SLC5A3: variants seen among roughly 807,000 people sequenced by gnomAD.
The protein encoded by SLC5A3 is sodium/myo-inositol cotransporter.
A neutral mutation model predicts 43.2 loss-of-function variants in SLC5A3; 10 were observed. That is an observed-to-expected ratio of 0.23 (90% confidence interval 0.14 to 0.39). The LOEUF is 0.39. SLC5A3 is among the 10% of genes least tolerant of loss of function. SLC5A3 has a pLI of 1.00. For missense variants in SLC5A3, 608 were observed against 893.4 expected (o/e 0.68, Z 4.07); for synonymous variants, 349 against 322.0 (o/e 1.08, Z -0.90).
rs1556001318 is a variant in SLC5A3, at chr21:34,073,602, G to A, written c.-480G>A. On this transcript the variant is annotated 5_prime_UTR_variant, in exon 1 of 2. Transcript: ENST00000381151. ...TGCTTTCGCCGCCTGGGAGCCGTCC[G>A]GCGCAGCAGTTTCTAGGTCCCCACT... is the stretch of plus-strand genomic sequence containing the variant. The A allele has an allele frequency of 3.7e-6, 4 of 1,072,658 alleles. No homozygotes were observed. The highest frequency in any genetic ancestry group is 2.8e-5 in the South Asian group (2 of 71,468). 66.4% of individuals were successfully genotyped at this position (1,072,658 alleles called of 1,614,324 possible).
At chr21:34,073,773 T>G in intron 1 of SLC5A3, 28 bp downstream of exon 1, 4 of 1,458,946 alleles carry the variant, frequency 2.7e-6, no homozygotes, top group South Asian at 1.2e-5. Context: ...AGAGCCGGTC[T>G]TCCCGCGCGG....
At chr21:34,094,443 C>G (rs1423313972) in intron 1 of SLC5A3, among the ~76,000 whole-genome samples, 3 of 152,164 alleles carry the variant, frequency 2.0e-5, no homozygotes, top group Admixed American at 1.3e-4. Flanking sequence ...CCCAAACTCT[C>G]TTAGGATTCA....
chr21:34,096,413 G>C lies in SLC5A3; in HGVS notation c.1215G>C (p.Arg405=). 4 of 1,614,200 alleles carry C rather than the reference G, an allele frequency of 2.5e-6. No homozygotes were observed. The highest frequency in any genetic ancestry group is 3.4e-6 in the Non-Finnish European group (4 of 1,180,030). The change falls in exon 2 of 2, where the codon CGG becomes CGC. Residue 405 remains arginine (R), a synonymous_variant. Transcript: ENST00000381151. The surrounding 1 kb of genome is among the most constrained non-coding windows in gnomAD (Gnocchi z 5.9). ...YKLIRKSASS[R]ELMIVGRIFV... ...TTATCCGCAAGAGCGCAAGCTCCCG[G>C]GAGTTAATGATTGTGGGGAGGATAT... is the stretch of plus-strand genomic sequence containing the variant.
chr21:34,106,016 A>G lies in SLC5A3; in HGVS notation c.*8661A>G, dbSNP rs1979461724. On this transcript the variant is annotated 3_prime_UTR_variant, in exon 2 of 2. Transcript: ENST00000381151. ...TTATTGTTTAAAAAATGAAAAAAGC[A>G]TATCTGCTAAAGAGCTGTCAGTTTT... 9.1e-6 allele frequency: 9 copies of G among 994,396 alleles called. No individual in the cohort carries two copies. Among genetic ancestry groups the G allele is most frequent in the South Asian group, 9.4e-5 (2 of 21,182 alleles). The allele number at this position is 994,396 out of a possible 1,614,324, so 61.6% of individuals were successfully genotyped here.
intron 1 of SLC5A3, among the ~76,000 whole-genome samples, chr21:34,092,723 A>G (rs183799436): frequency 6.6e-6 from 1 of 152,242 alleles, no homozygotes; most frequent in African/African-American, 2.4e-5. Context: ...CTCTGAACAA[A>G]TAAGCTGCAG....
At position 34,102,105 on chromosome 21, in the gene SLC5A3, T is replaced by C. The variant is rs977243250; in HGVS notation, c.*4750T>C. 6.3e-5 allele frequency: 63 copies of C among 1,000,042 alleles called. No individual in the cohort carries two copies. The highest frequency in any genetic ancestry group is 7.5e-5 in the Non-Finnish European group (62 of 829,898). 61.9% of individuals were successfully genotyped at this position (1,000,042 alleles called of 1,614,324 possible). On this transcript the variant is annotated 3_prime_UTR_variant, in exon 2 of 2. Transcript: ENST00000381151. ...GTTAACTTAGGGCTGCAAATCTTTT[T>C]CTTCTGTCAAGGTCACTTAATATGG...
chr21:34,103,838 TGGGGGTTAC>T lies in SLC5A3; in HGVS notation c.*6484_*6492del. 1.0e-6 allele frequency: 1 copy of T among 1,000,010 alleles called. No individual in the cohort carries two copies. 61.9% of individuals were successfully genotyped at this position (1,000,010 alleles called of 1,614,324 possible). A position where few individuals can be genotyped will look rare whatever the true frequency, so the allele number is the denominator to read the frequency against. The stretch of plus-strand genomic sequence containing the variant: ...ATGTCAAGAATGCCAAAATTATATT[TGGGGGTTAC>T]TAGCTAAAATGGGGTTTGAGGGCTT... On this transcript the variant is annotated 3_prime_UTR_variant, in exon 2 of 2. Coordinates refer to ENST00000381151, the MANE Select transcript of SLC5A3 (RefSeq NM_006933.7).
intron 1 of SLC5A3, among the ~76,000 whole-genome samples, chr21:34,084,524 C>T (rs1989528952): frequency 6.6e-6 from 1 of 152,038 alleles, no homozygotes; most frequent in Admixed American, 6.6e-5. Context: ...AGTAGGGGTG[C>T]AGGGGTTATG....
At chr21:34,086,554 C>A (rs929125019) in intron 1 of SLC5A3, among the ~76,000 whole-genome samples, 24 of 148,798 alleles carry the variant, frequency 1.6e-4, no homozygotes, top group Non-Finnish European at 1.3e-4. Context: ...TGTGTATCTT[C>A]CTGAAAGGTG....
Position 34,097,117 on chromosome 21 carries a change from G to A in SLC5A3, c.1919G>A (p.Gly640Asp), listed in dbSNP as rs752644017. 1.9e-5 allele frequency: 31 copies of A among 1,613,900 alleles called. No individual in the cohort carries two copies. Among genetic ancestry groups the A allele is most frequent in the Non-Finnish European group, 2.5e-5 (29 of 1,179,978 alleles). Reference sequence around the variant, plus strand: ...TCCAATGGGCAAGCAGCTCTCATGGGTGAGAAAGAGAGAAAGAAAGAAACG... The same window carrying A: ...TCCAATGGGCAAGCAGCTCTCATGGATGAGAAAGAGAGAAAGAAAGAAACG... The part of the protein sequence containing the change: ...AYSNGQAALM[G>D]EKERKKETDD... The change falls in exon 2 of 2, where the codon GGT becomes GAT. Residue 640 changes from glycine to aspartate, a missense_variant. Coordinates refer to ENST00000381151, the MANE Select transcript of SLC5A3 (RefSeq NM_006933.7).
At chr21:34,083,887 T>C (rs1312577743) in intron 1 of SLC5A3, among the ~76,000 whole-genome samples, 1 of 152,214 alleles carries the variant, frequency 6.6e-6, no homozygotes, top group Non-Finnish European at 1.5e-5. Context: ...TTGGAAACTA[T>C]TGATAATTTC....
At chr21:34,077,623 A>G (rs1989364849) in intron 1 of SLC5A3, among the ~76,000 whole-genome samples, 1 of 152,218 alleles carries the variant, frequency 6.6e-6, no homozygotes, top group Non-Finnish European at 1.5e-5. Context: ...GAAGATAGCT[A>G]TTTTGGAAAT....
chr21:34,083,504 ATGGTACTGAAGTG>A (rs755073193), intron 1 of SLC5A3, among the ~76,000 whole-genome samples: 13 of 152,316 alleles, frequency 8.5e-5, no homozygotes, highest in Non-Finnish European at 1.9e-4. Flanking sequence ...GGAAAGGTGT[ATGGTACTGAAGTG>A]TGTGGTTTTG....
In SLC5A3 at chr21:34,098,664, T is replaced by G. The variant is rs905541686; in HGVS notation, c.*1309T>G. ...TTGAGAGGTGCCAAACAAGAACTTT[T>G]GGGGTTAGTAGTGTGTCTTGTGGAG... On this transcript the variant is annotated 3_prime_UTR_variant, in exon 2 of 2. Transcript: ENST00000381151. 17 of 1,000,134 alleles carry G rather than the reference T, an allele frequency of 1.7e-5. No homozygotes were observed. In the African/African-American group the frequency reaches 2.8e-4, roughly 16 times the overall value. 62.0% of individuals were successfully genotyped at this position (1,000,134 alleles called of 1,614,324 possible). A position where few individuals can be genotyped will look rare whatever the true frequency, so the allele number is the denominator to read the frequency against.
In SLC5A3 at chr21:34,105,919, C is replaced by T; in HGVS notation, c.*8564C>T. ...GACAATTCTAACTTGTCTATTCTAACCTATTGTGTACAATCTGATTTTTTA... is the reference window on the plus strand; with the variant it reads ...GACAATTCTAACTTGTCTATTCTAATCTATTGTGTACAATCTGATTTTTTA... On this transcript the variant is annotated 3_prime_UTR_variant, in exon 2 of 2. Coordinates refer to ENST00000381151, the MANE Select transcript of SLC5A3 (RefSeq NM_006933.7). 1 of 987,806 alleles carries T rather than the reference C, an allele frequency of 1.0e-6. No individual in the cohort carries two copies. Among genetic ancestry groups the T allele is most frequent in the South Asian group, 4.8e-5 (1 of 21,012 alleles). 61.2% of individuals were successfully genotyped at this position (987,806 alleles called of 1,614,324 possible).
chr21:34,106,099 T>A lies in SLC5A3; in HGVS notation c.*8744T>A. Reference sequence around the variant, plus strand: ...GTGTACTGTGTGTTATTTTGCCAGCTGCTGCATTAGCCTTCAAAAGTATTT... The same window carrying A: ...GTGTACTGTGTGTTATTTTGCCAGCAGCTGCATTAGCCTTCAAAAGTATTT... On this transcript the variant is annotated 3_prime_UTR_variant, in exon 2 of 2. Transcript: ENST00000381151. The A allele has an allele frequency of 4.0e-6, 4 of 999,034 alleles. No individual in the cohort carries two copies. The highest frequency in any genetic ancestry group is 4.8e-6 in the Non-Finnish European group (4 of 828,810). The allele number at this position is 999,034 out of a possible 1,614,324, so 61.9% of individuals were successfully genotyped here.
At chr21:34,076,557 C>T (rs1005634640) in intron 1 of SLC5A3, among the ~76,000 whole-genome samples, 4 of 152,122 alleles carry the variant, frequency 2.6e-5, no homozygotes, top group Admixed American at 6.5e-5. Context: ...CAAGTTTGGG[C>T]ATTTAGGAAT....
In SLC5A3 at chr21:34,099,597, T is replaced by G. The variant is rs1176697261; in HGVS notation, c.*2242T>G. 1.0e-6 allele frequency: 1 copy of G among 999,450 alleles called. No homozygotes were observed. The highest frequency in any genetic ancestry group is 1.2e-6 in the Non-Finnish European group (1 of 829,844). The allele number at this position is 999,450 out of a possible 1,614,324, so 61.9% of individuals were successfully genotyped here. A position where few individuals can be genotyped will look rare whatever the true frequency, so the allele number is the denominator to read the frequency against. ...ATCCAGCGTAAATGAATAGGAGGTG[T>G]TTGTGATTTTTTTTTTCTCCCTTTA... On this transcript the variant is annotated 3_prime_UTR_variant, in exon 2 of 2. Coordinates refer to ENST00000381151, the MANE Select transcript of SLC5A3 (RefSeq NM_006933.7).
chr21:34,102,065 C>T lies in SLC5A3; in HGVS notation c.*4710C>T, dbSNP rs1010935717. 3 of 999,740 alleles carry T rather than the reference C, an allele frequency of 3.0e-6. No individual in the cohort carries two copies. Among genetic ancestry groups the T allele is most frequent in the East Asian group, 1.1e-4 (1 of 8,836 alleles). The allele number at this position is 999,740 out of a possible 1,614,324, so 61.9% of individuals were successfully genotyped here. A position where few individuals can be genotyped will look rare whatever the true frequency, so the allele number is the denominator to read the frequency against. ...GCTGGATTGTGAAAAGGTAATCTTT[C>T]GATTGCTAGACTTGGTTAACTTAGG... On this transcript the variant is annotated 3_prime_UTR_variant, in exon 2 of 2. Coordinates refer to ENST00000381151, the MANE Select transcript of SLC5A3 (RefSeq NM_006933.7).
Sources: allele counts gnomAD v4.1 joint callset (sites outside exome capture counted in the v4.1 genomes callset), GRCh38; gene constraint gnomAD v4.1.1; non-coding constraint Gnocchi (gnomAD v3.1); transcripts MANE v1.5; gene names NCBI Gene and HGNC (gene_info 2026-07-23, HGNC 2026-07-21).